Variants in PNLIP observed in about 807,000 individuals in gnomAD.
PNLIP encodes the protein pancreatic lipase.
Under a neutral mutation model 57.1 loss-of-function variants are expected in PNLIP, and 49 were observed. That is an observed-to-expected ratio of 0.86 (90% confidence interval 0.68 to 1.09). The LOEUF is 1.09. Ranked by LOEUF, PNLIP falls within the 50% of genes least tolerant of loss-of-function variation. The pLI, the probability that PNLIP is intolerant of heterozygous loss-of-function variation, is 0.00. For synonymous variants in PNLIP, 209 were observed against 200.4 expected (o/e 1.04, Z -0.36); for missense variants, 503 against 570.2 (o/e 0.88, Z 1.20).
chr10:116,561,356 G>T, intron 11 of PNLIP, 116 bp from the exon 12 acceptor site: 1 of 669,832 alleles, frequency 1.5e-6, no homozygotes, highest in Non-Finnish European at 2.4e-6. Flanking sequence ...TTGTAAGCTG[G>T]TCTTAGAAAC....
chr10:116,551,290 CAAA>C (rs5788172), intron 5 of PNLIP, 58 bp downstream of exon 5: 11,347 of 530,572 alleles, frequency 0.021, no homozygotes, highest in Middle Eastern at 0.029. Context: ...ATTATCTTTC[CAAA>C]AAAAAAAAAA....
intron 12 of PNLIP, among the ~76,000 whole-genome samples, chr10:116,564,266 A>G (rs1420405069): frequency 1.3e-5 from 2 of 152,190 alleles, no homozygotes; most frequent in South Asian, 2.1e-4. Context: ...TTGAAACCCA[A>G]TTATAAAGAC....
Position 116,567,439 on chromosome 10 carries a change from T to A in PNLIP, c.1335-296T>A, listed in dbSNP as rs148166953. ...GTGACTCTGCTGTTCCTGAGTTGCA[T>A]TGGTTGACATGGGCTAAGTGTTCAG... On this transcript the variant is annotated intron_variant, in intron 12 of 12. Coordinates refer to ENST00000369221, the MANE Select transcript of PNLIP (RefSeq NM_000936.4). Among the ~76,000 whole-genome samples the A allele has an allele frequency of 5.2e-3, 796 of 152,310 alleles. 7 individuals are homozygous for A. The highest frequency in any genetic ancestry group is 8.1e-3 in the Non-Finnish European group (550 of 68,014).
At chr10:116,561,377 A>G (rs924841007) in intron 11 of PNLIP, 95 bp from the exon 12 acceptor site, 39 of 799,504 alleles carry the variant, frequency 4.9e-5, no homozygotes, top group Non-Finnish European at 6.9e-5. Context: ...ATAAATGTGT[A>G]TGTATATATG....
Position 116,546,089 on chromosome 10 carries a change from G to A in PNLIP, c.1-4G>A. On this transcript the variant is annotated splice_polypyrimidine_tract_variant and splice_region_variant and intron_variant, in intron 1 of 12. Transcript: ENST00000369221. The stretch of plus-strand genomic sequence containing the variant: ...GACTCAATCATGTTTTTAATTTCGT[G>A]TAGATGCTGCCACTTTGGACTCTTT... 2 of 1,613,790 alleles carry A rather than the reference G, an allele frequency of 1.2e-6. No homozygotes were observed. The highest frequency in any genetic ancestry group is 2.2e-5 in the East Asian group (1 of 44,884).
rs530928918 is a variant in PNLIP at position 116,548,538 on chromosome 10, C to T, written c.324+56C>T. The T allele has an allele frequency of 9.9e-5, 157 of 1,580,830 alleles. No homozygotes were observed. In the Admixed American group the frequency reaches 1.0e-3, roughly 10 times the overall value. On this transcript the variant is annotated intron_variant, in intron 4 of 12. Coordinates refer to ENST00000369221, the MANE Select transcript of PNLIP (RefSeq NM_000936.4). ...CGTTTCCAAAGTGGTAATTAACAAA[C>T]GGTAAGGCACTGGCCCCGACCAATG... is the stretch of plus-strand genomic sequence containing the variant.
chr10:116,552,150 T>C (rs1390940763), intron 5 of PNLIP, among the ~76,000 whole-genome samples: 2 of 152,226 alleles, frequency 1.3e-5, no homozygotes, highest in African/African-American at 2.4e-5. Context: ...TTATGTACAG[T>C]ATGTAATACA....
chr10:116,558,343 C>G (rs1372869694), intron 9 of PNLIP, among the ~76,000 whole-genome samples: 2 of 150,596 alleles, frequency 1.3e-5, no homozygotes, highest in Non-Finnish European at 3.0e-5. Context: ...TACAGGCGCC[C>G]GCCACCATGC....
At chr10:116,556,536 T>A (rs987784776) in intron 9 of PNLIP, among the ~76,000 whole-genome samples, 3 of 151,152 alleles carry the variant, frequency 2.0e-5, no homozygotes. Context: ...TGGCCAAAAT[T>A]TTTTTTTGAA....
Position 116,567,852 on chromosome 10 carries a change from T to C in PNLIP, c.*54T>C, listed in dbSNP as rs371953672. On this transcript the variant is annotated 3_prime_UTR_variant, in exon 13 of 13. Transcript: ENST00000369221. ...GACTTCTAATAAAATCTAGTGGTGA[T>C]GCATTACATGCCTGTTTCTTTTGTC... 1.1e-4 allele frequency: 145 copies of C among 1,291,840 alleles called. 4 individuals carry two copies. The highest frequency in any genetic ancestry group is 6.5e-4 in the East Asian group (28 of 43,374). 80.0% of individuals were successfully genotyped at this position (1,291,840 alleles called of 1,614,324 possible).
At chr10:116,559,678 C>T (rs977946032) in intron 10 of PNLIP, among the ~76,000 whole-genome samples, 10 of 152,026 alleles carry the variant, frequency 6.6e-5, no homozygotes, top group Non-Finnish European at 1.0e-4. Context: ...ATTTAAGAGA[C>T]GTTTAGGATT....
At chr10:116,567,069 C>G (rs1335068317) in intron 12 of PNLIP, among the ~76,000 whole-genome samples, 1 of 147,484 alleles carries the variant, frequency 6.8e-6, no homozygotes, top group Non-Finnish European at 1.5e-5. Flanking sequence ...CTTTCCTTCC[C>G]TCCCTCCCTT....
chr10:116,552,104 T>C (rs1381325249), intron 5 of PNLIP, among the ~76,000 whole-genome samples: 1 of 152,202 alleles, frequency 6.6e-6, no homozygotes, highest in Non-Finnish European at 1.5e-5. Context: ...ACAAACCTAC[T>C]GCACTCCCAG....
In PNLIP at chr10:116,547,350, G is replaced by A. The variant is rs201191402; in HGVS notation, c.103G>A (p.Gly35Arg). ...GCFSDDSPWS[G>R]ITERPLHILP... ...CTTCAGTGATGACTCCCCATGGTCA[G>A]GAATTACGGAAAGACCCCTCCATAT... The change falls in exon 3 of 13, where the codon GGA (glycine) becomes AGA (arginine). Residue 35 changes from glycine (G) to arginine (R), a missense_variant. Transcript: ENST00000369221. 87 of 1,614,100 alleles carry A rather than the reference G, an allele frequency of 5.4e-5. No homozygotes were observed. Among genetic ancestry groups the A allele is most frequent in the Non-Finnish European group, 1.7e-6 (2 of 1,179,986 alleles).
At position 116,551,191 on chromosome 10, in the gene PNLIP, A is replaced by T. The variant is rs1379181588; in HGVS notation, c.418A>T (p.Ile140Phe). Reference protein sequence around the residue: ...GYTQASQNIRIVGAEVAYFVE... With the variant: ...GYTQASQNIRFVGAEVAYFVE... ...CACACAAGCCTCGCAGAACATCAGGATCGTGGGAGCAGAAGTGGCATATTT... is the reference window on the plus strand; with the variant it reads ...CACACAAGCCTCGCAGAACATCAGGTTCGTGGGAGCAGAAGTGGCATATTT... Residue 140 changes from isoleucine (I) to phenylalanine (F), a missense_variant, in exon 5 of 13, where the codon ATC (isoleucine) becomes TTC (phenylalanine). Physicochemically the swap from Ile to Phe is conservative, Grantham distance 21. Transcript: ENST00000369221. The T allele has an allele frequency of 6.2e-7, 1 of 1,612,256 alleles. No homozygotes were observed. The highest frequency in any genetic ancestry group is 8.5e-7 in the Non-Finnish European group (1 of 1,179,224).
intron 12 of PNLIP, among the ~76,000 whole-genome samples, chr10:116,566,020 G>T (rs1012405628): frequency 2.0e-5 from 3 of 152,202 alleles, no homozygotes; most frequent in Non-Finnish European, 4.4e-5. Flanking sequence ...TGTTGGCCAG[G>T]CTGGTCTCGA....
chr10:116,562,423 C>T (rs573299964), intron 12 of PNLIP, among the ~76,000 whole-genome samples: 5 of 152,242 alleles, frequency 3.3e-5, no homozygotes, highest in Non-Finnish European at 7.4e-5. Context: ...GAGACAAAAA[C>T]GGACAAGATG....
At chr10:116,548,325 G>C (rs750762974) in intron 3 of PNLIP, 35 bp from the exon 4 acceptor site, 1 of 1,609,722 alleles carries the variant, frequency 6.2e-7, no homozygotes, top group East Asian at 2.2e-5. Context: ...GGCTACTATA[G>C]GAAACTGACA....
rs530387034 is a variant in PNLIP, at chr10:116,550,280, G to T, written c.325-818G>T. On this transcript the variant is annotated intron_variant, in intron 4 of 12. Transcript: ENST00000369221. ...TCACCATGTTAGCCAGGATGGTCTC[G>T]ATCTCATGACCTTGTGATCCACCTG... Among the ~76,000 whole-genome samples, 2 of 150,906 alleles carry T rather than the reference G, an allele frequency of 1.3e-5. 1 individual carries two copies. The highest frequency in any genetic ancestry group is 1.3e-4 in the Admixed American group (2 of 15,164).
Sources: allele counts gnomAD v4.1 joint callset (sites outside exome capture counted in the v4.1 genomes callset), GRCh38; gene constraint gnomAD v4.1.1; transcripts MANE v1.5; gene names NCBI Gene and HGNC (gene_info 2026-07-23, HGNC 2026-07-21).